TCF12: variants seen among roughly 807,000 people sequenced by gnomAD.
TCF12 encodes transcription factor 12.
TCF12 carries 45 observed loss-of-function variants against 86.0 expected under a neutral mutation model. The ratio of observed to expected loss-of-function variants is 0.52; its 90% confidence interval spans 0.41 to 0.67. The LOEUF (loss-of-function observed/expected upper bound fraction) is 0.67. TCF12 is among the 30% of genes least tolerant of loss of function. The pLI, the probability that TCF12 is intolerant of heterozygous loss-of-function variation, is 0.00. For missense variants in TCF12, 881 were observed against 859.9 expected (o/e 1.02, Z -0.31); for synonymous variants, 330 against 299.6 (o/e 1.10, Z -1.05).
intron 5 of TCF12, among the ~76,000 whole-genome samples, chr15:57,103,394 A>G (rs1209838609): frequency 6.6e-6 from 1 of 152,214 alleles, no homozygotes; most frequent in Non-Finnish European, 1.5e-5. Flanking sequence ...TAAGGATTTA[A>G]TTGGGACCCT....
chr15:57,054,701 G>T (rs985034945), intron 3 of TCF12, among the ~76,000 whole-genome samples: 1 of 136,074 alleles, frequency 7.3e-6, no homozygotes, highest in Non-Finnish European at 1.6e-5. Context: ...TTGTTTTACT[G>T]TATCTCCATT....
chr15:57,280,926 A>G (rs1414324628), intron 19 of TCF12, among the ~76,000 whole-genome samples: 3 of 152,224 alleles, frequency 2.0e-5, no homozygotes, highest in Non-Finnish European at 4.4e-5. Flanking sequence ...GTTAACCTAT[A>G]CTATATGTTA....
chr15:57,074,691 A>G (rs561609119), intron 4 of TCF12, among the ~76,000 whole-genome samples: 2 of 152,346 alleles, frequency 1.3e-5, no homozygotes, highest in East Asian at 3.9e-4. Context: ...AGTTCACTGT[A>G]TTGCAGGTCT....
At chr15:57,150,053 T>C (rs2053631913) in intron 5 of TCF12, among the ~76,000 whole-genome samples, 1 of 152,158 alleles carries the variant, frequency 6.6e-6, no homozygotes, top group Admixed American at 6.6e-5. Flanking sequence ...CCCCACTCTC[T>C]CACTGCCTGT....
intron 3 of TCF12, among the ~76,000 whole-genome samples, chr15:57,041,152 A>T (rs1246927822): frequency 6.6e-6 from 1 of 152,186 alleles, no homozygotes; most frequent in Non-Finnish European, 1.5e-5. Flanking sequence ...AATGCATTGG[A>T]AGACAGATGC....
chr15:57,191,899 A>C (rs144551065), intron 6 of TCF12, among the ~76,000 whole-genome samples: 1 of 151,390 alleles, frequency 6.6e-6, no homozygotes. Flanking sequence ...TTACCACTAC[A>C]CTCCAGCCTG....
chr15:57,192,900 AG>A (rs1419216386), intron 7 of TCF12, among the ~76,000 whole-genome samples: 1 of 152,250 alleles, frequency 6.6e-6, no homozygotes, highest in Admixed American at 6.5e-5. Flanking sequence ...AATTTTAACA[AG>A]TTTCAAACAG....
chr15:56,929,313 A>G (rs1204758467), intron 3 of TCF12, among the ~76,000 whole-genome samples: 1 of 152,184 alleles, frequency 6.6e-6, no homozygotes, highest in Non-Finnish European at 1.5e-5. Flanking sequence ...ATCAGGGGGA[A>G]AAATGGTTTT....
At chr15:56,953,239 A>G (rs189920882) in intron 3 of TCF12, among the ~76,000 whole-genome samples, 2 of 151,994 alleles carry the variant, frequency 1.3e-5, no homozygotes, top group African/African-American at 4.8e-5. Context: ...GTGTTGTTAT[A>G]TTAGATTTGT....
chr15:57,269,675 T>C (rs527596211), intron 18 of TCF12, among the ~76,000 whole-genome samples: 54 of 152,246 alleles, frequency 3.5e-4, no homozygotes, highest in African/African-American at 1.3e-3. Flanking sequence ...ATTTGGCATG[T>C]TTTTGCAGTG....
chr15:57,171,255 G>GAGC (rs1282538117), intron 6 of TCF12, among the ~76,000 whole-genome samples: 1 of 151,444 alleles, frequency 6.6e-6, no homozygotes, highest in African/African-American at 2.4e-5. Flanking sequence ...GAATTCATAG[G>GAGC]AGCAGTTCGT....
intron 3 of TCF12, among the ~76,000 whole-genome samples, chr15:56,968,792 C>A (rs2062139567): frequency 6.6e-6 from 1 of 152,140 alleles, no homozygotes; most frequent in African/African-American, 2.4e-5. Flanking sequence ...CTCAAGGTGG[C>A]TGGGGACAGC....
intron 5 of TCF12, among the ~76,000 whole-genome samples, chr15:57,139,741 A>G (rs1284666458): frequency 6.6e-6 from 1 of 152,190 alleles, no homozygotes; most frequent in African/African-American, 2.4e-5. Context: ...GGCTAGGAAT[A>G]TTAAAGCATT....
At chr15:56,978,175 T>A (rs139685069) in intron 3 of TCF12, among the ~76,000 whole-genome samples, 1 of 152,242 alleles carries the variant, frequency 6.6e-6, no homozygotes, top group Non-Finnish European at 1.5e-5. Context: ...AATGATCATT[T>A]CTACTTTTCT....
chr15:57,097,856 A>G (rs1007275863), intron 5 of TCF12, among the ~76,000 whole-genome samples: 1 of 152,126 alleles, frequency 6.6e-6, no homozygotes, highest in African/African-American at 2.4e-5. Flanking sequence ...ATTACTTGTT[A>G]GTTTGAAACA....
intron 5 of TCF12, among the ~76,000 whole-genome samples, chr15:57,165,747 A>T (rs979943303): frequency 9.2e-5 from 14 of 151,984 alleles, no homozygotes; most frequent in Non-Finnish European, 1.2e-4. Context: ...CTTGTTAGCC[A>T]GGATTGTCTT....
intron 6 of TCF12, among the ~76,000 whole-genome samples, chr15:57,170,639 TATAA>T (rs1399910680): frequency 0.057 from 2,106 of 36,656 alleles, 76 homozygotes; most frequent in African/African-American, 0.32. Context: ...TATATATATA[TATAA>T]TATATATATT....
At chr15:57,002,042 G>T (rs368958330) in intron 3 of TCF12, among the ~76,000 whole-genome samples, 2 of 152,178 alleles carry the variant, frequency 1.3e-5, no homozygotes, top group Non-Finnish European at 1.5e-5. Flanking sequence ...GTTGAGAAGC[G>T]TATCTATGTC....
In TCF12 at chr15:57,289,002, A is replaced by G. The variant is rs1333087622; in HGVS notation, c.*2857A>G. ...CTTTTATCCCAGTTTTTAACCACAA[A>G]AAAAAGCGTAGGGATTATCCATGAG... On this transcript the variant is annotated 3_prime_UTR_variant, in exon 21 of 21. Coordinates refer to ENST00000333725, the MANE Select transcript of TCF12 (RefSeq NM_207037.2). The G allele has an allele frequency of 3.3e-5, 5 of 152,336 alleles. No homozygotes were observed. The South Asian group carries it at 1.0e-3, about 32-fold the overall frequency. The allele number at this position is 152,336 out of a possible 1,614,324, so 9.4% of individuals were successfully genotyped here.
Sources: allele counts gnomAD v4.1 joint callset (sites outside exome capture counted in the v4.1 genomes callset), GRCh38; gene constraint gnomAD v4.1.1; transcripts MANE v1.5; gene names NCBI Gene and HGNC (gene_info 2026-07-23, HGNC 2026-07-21).